The following MYH14 variants were observed in gnomAD, a reference collection of about 807,000 sequenced individuals.
The protein encoded by MYH14 is myosin heavy chain 14.
MYH14 carries 123 observed loss-of-function variants against 255.5 expected under a neutral mutation model. The ratio of observed to expected loss-of-function variants is 0.48; its 90% CI spans 0.42 to 0.56. MYH14 has a LOEUF of 0.56. MYH14 is among the 20% of genes least tolerant of loss of function. The pLI, the probability that MYH14 is intolerant of heterozygous loss-of-function variation, is 0.00. For missense variants in MYH14, 2,423 were observed against 2,802.3 expected (o/e 0.86, Z 3.06); for synonymous variants, 1,095 against 1,161.2 (o/e 0.94, Z 1.16).
At chr19:50,267,048 G>A in intron 23 of MYH14, 40 bp downstream of exon 23, 2 of 1,511,018 alleles carry the variant, frequency 1.3e-6, no homozygotes, top group South Asian at 1.2e-5. Flanking sequence ...GTGTCTTCGG[G>A]GTGGGGCTGT....
At chr19:50,227,595 C>G (rs1462542688) in intron 8 of MYH14, among the ~76,000 whole-genome samples, 1 of 152,196 alleles carries the variant, frequency 6.6e-6, no homozygotes, top group Non-Finnish European at 1.5e-5. Flanking sequence ...GGAACCCTCC[C>G]GAAATCCAGG....
intron 39 of MYH14, among the ~76,000 whole-genome samples, chr19:50,294,104 G>A (rs1204505494): frequency 2.0e-5 from 3 of 152,142 alleles, no homozygotes; most frequent in African/African-American, 2.4e-5. Flanking sequence ...TGAGGATTCC[G>A]GTGGCCCAGA....
chr19:50,292,300 C>T lies in MYH14; in HGVS notation c.5167C>T (p.Arg1723Cys), dbSNP rs778251472. 1.0e-5 allele frequency: 16 copies of T among 1,598,678 alleles called. No homozygotes were observed. The highest frequency in any genetic ancestry group is 4.5e-5 in the East Asian group (2 of 44,178). ...KELWREVEET[R>C]TSREEIFSQN... is the part of the protein sequence containing the mutation. The stretch of plus-strand genomic sequence containing the variant: ...GCTATGGCGGGAGGTGGAGGAGACA[C>T]GCACCTCCCGGGAGGAGATCTTCTC... The change falls in exon 37 of 43, where the codon CGC (arginine) becomes TGC (cysteine). Residue 1723 changes from arginine (R) to cysteine (C), a missense_variant. Transcript: ENST00000642316.
In MYH14 at chr19:50,218,576, A is replaced by T. The variant is rs567040009; in HGVS notation, c.562+805A>T. ...TCGCGCCACTGCACTCCAGCCTGGG[A>T]GACACAGGGAGACTCTGTCTCAAAA... On this transcript the variant is annotated intron_variant, in intron 3 of 42. Transcript: ENST00000642316. 6.4e-4 allele frequency among the ~76,000 whole-genome samples: 97 copies of T among 151,750 alleles called. 1 individual carries two copies. Among genetic ancestry groups the T allele is most frequent in the Non-Finnish European group, 1.1e-3 (72 of 67,900 alleles).
chr19:50,239,705 A>G (rs954824363), intron 10 of MYH14, among the ~76,000 whole-genome samples: 1 of 152,102 alleles, frequency 6.6e-6, no homozygotes, highest in Non-Finnish European at 1.5e-5. Flanking sequence ...GCCTGCCACC[A>G]CGCCTAGCTA....
chr19:50,219,002 G>GTA (rs1050326330), intron 3 of MYH14, among the ~76,000 whole-genome samples: 7 of 100,834 alleles, frequency 6.9e-5, no homozygotes, highest in Non-Finnish European at 1.6e-4. Context: ...CCCATGGTGT[G>GTA]TATATATATA....
At position 50,232,003 on chromosome 19, in the gene MYH14, G is replaced by C. The variant is rs1315783438; in HGVS notation, c.1047G>C (p.Glu349Asp). Residue 349 changes from glutamate to aspartate, a missense_variant, in exon 10 of 43, where the codon GAG (glutamate) becomes GAC (aspartate). Transcript: ENST00000642316. ...GGCCGTCATCCTCTCCCGGCCAGGA[G>C]CGGGAACTCTTCCAGGAGACGCTGG... is the stretch of plus-strand genomic sequence containing the variant. ...TNGPSSSPGQ[E>D]RELFQETLES... The C allele has an allele frequency of 1.9e-6, 3 of 1,613,828 alleles. No individual in the cohort carries two copies. In the South Asian group the frequency reaches 3.3e-5, roughly 18 times the overall value.
chr19:50,215,690 A>G (rs1389774939), intron 2 of MYH14, among the ~76,000 whole-genome samples: 1 of 152,198 alleles, frequency 6.6e-6, no homozygotes, highest in African/African-American at 2.4e-5. Context: ...ATGGTGGTGC[A>G]TACCTGTGGT....
Position 50,252,772 on chromosome 19 carries a change from C to G in MYH14, c.1945+19C>G, listed in dbSNP as rs772643657. On this transcript the variant is annotated intron_variant, in intron 16 of 42. Coordinates refer to ENST00000642316, the MANE Select transcript of MYH14 (RefSeq NM_001145809.2). The surrounding 1 kb of genome is among the most constrained non-coding windows in gnomAD (Gnocchi z 4.2). ...AAAGACGGTGAGGACCCACTTCCCC[C>G]ACCCCGGCTCTAGGGGTCTGTGCGG... 3 of 1,526,490 alleles carry G rather than the reference C, an allele frequency of 2.0e-6. No individual in the cohort carries two copies. Among genetic ancestry groups the G allele is most frequent in the African/African-American group, 1.4e-5 (1 of 72,868 alleles). 94.6% of individuals were successfully genotyped at this position (1,526,490 alleles called of 1,614,324 possible).
intron 1 of MYH14, among the ~76,000 whole-genome samples, chr19:50,206,191 T>C (rs2031739175): frequency 6.7e-6 from 1 of 149,896 alleles, no homozygotes; most frequent in African/African-American, 2.5e-5. Flanking sequence ...TGAGGGGGCC[T>C]GCACTTCCCA....
rs200291489 is a variant in MYH14 at position 50,309,711 on chromosome 19, A to C, written c.6032A>C (p.Asp2011Ala). The part of the protein sequence containing the change: ...VFRLEEGVAS[D>A]EEAEEAQPGS... ...CGACTAGAGGAGGGCGTGGCATCCG[A>C]CGAGGAGGCAGAGGAAGCACAGCCT... is the stretch of plus-strand genomic sequence containing the variant. The change falls in exon 43 of 43, where the codon GAC (aspartate) becomes GCC (alanine). Residue 2011 changes from aspartate (D) to alanine (A), a missense_variant. Physicochemically the swap from Asp to Ala is moderately radical, Grantham distance 126. Coordinates refer to ENST00000642316, the MANE Select transcript of MYH14 (RefSeq NM_001145809.2). 2.3e-4 allele frequency: 374 copies of C among 1,605,078 alleles called. 1 individual carries two copies. The highest frequency in any genetic ancestry group is 3.8e-5 in the Non-Finnish European group (45 of 1,176,312).
chr19:50,263,575 G>C (rs1247804824), intron 22 of MYH14, among the ~76,000 whole-genome samples, 155 bp downstream of exon 22: 1 of 152,162 alleles, frequency 6.6e-6, no homozygotes, highest in Non-Finnish European at 1.5e-5. Flanking sequence ...GGATTCTTTA[G>C]TTAGCAAGCA....
intron 42 of MYH14, chr19:50,309,428 CCT>C (rs1424179650): frequency 1.6e-6 from 1 of 616,104 alleles, no homozygotes; most frequent in African/African-American, 1.8e-5. Context: ...CTCCTTTCCT[CCT>C]CTCTGTGTGT....
chr19:50,300,252 C>G (rs903881569), intron 39 of MYH14, among the ~76,000 whole-genome samples: 1 of 152,090 alleles, frequency 6.6e-6, no homozygotes, highest in African/African-American at 2.4e-5. Context: ...ATGACACCCA[C>G]ACACATCCAT....
chr19:50,290,384 C>A (rs747712605), intron 35 of MYH14, among the ~76,000 whole-genome samples: 5 of 152,220 alleles, frequency 3.3e-5, no homozygotes, highest in Admixed American at 1.3e-4. Context: ...CCATGTCTCC[C>A]CTCTACTAGG....
chr19:50,252,606 A>G lies in MYH14; in HGVS notation c.1831-33A>G, dbSNP rs1353268422. On this transcript the variant is annotated intron_variant, in intron 15 of 42. Transcript: ENST00000642316. This position sits in a 1 kb window ranked among gnomAD's most constrained non-coding sequence, Gnocchi z 4.2. ...AATCCAGAGAATGTCTGAGCCTGCA[A>G]GTCATCGCCCTCCTCTACCTGACTT... 2.8e-6 allele frequency: 4 copies of G among 1,421,190 alleles called. No individual in the cohort carries two copies. Among genetic ancestry groups the G allele is most frequent in the Non-Finnish European group, 3.9e-6 (4 of 1,026,370 alleles). The allele number at this position is 1,421,190 out of a possible 1,614,324, so 88.0% of individuals were successfully genotyped here.
In MYH14 at chr19:50,249,760, C is replaced by T. The variant is rs780603261; in HGVS notation, c.1593C>T (p.Ile531=). The T allele has an allele frequency of 1.3e-5, 21 of 1,614,140 alleles. No homozygotes were observed. In the Admixed American group the frequency reaches 3.5e-4, roughly 27 times the overall value. ...LEQEEYQREG[I]PWTFLDFGLD... ...AGGAGGAGTACCAGCGTGAGGGCAT[C>T]CCCTGGACCTTCCTCGACTTTGGCC... Residue 531 remains isoleucine (I), a synonymous_variant, in exon 14 of 43, where the codon ATC becomes ATT. Transcript: ENST00000642316.
At chr19:50,222,632 C>T (rs999898830) in intron 3 of MYH14, among the ~76,000 whole-genome samples, 9 of 152,202 alleles carry the variant, frequency 5.9e-5, no homozygotes, top group African/African-American at 1.7e-4. Flanking sequence ...TTCCCCACTC[C>T]CCTCCATGCC....
Position 50,230,673 on chromosome 19 carries a change from A to T in MYH14, c.973+50A>T. 6.7e-7 allele frequency: 1 copy of T among 1,489,766 alleles called. No homozygotes were observed. Among genetic ancestry groups the T allele is most frequent in the Middle Eastern group, 1.7e-4 (1 of 5,846 alleles). The allele number at this position is 1,489,766 out of a possible 1,614,324, so 92.3% of individuals were successfully genotyped here. On this transcript the variant is annotated intron_variant, in intron 9 of 42. Coordinates refer to ENST00000642316, the MANE Select transcript of MYH14 (RefSeq NM_001145809.2). The surrounding 1 kb of genome is among the most constrained non-coding windows in gnomAD (Gnocchi z 4.7). ...GCTCACCCGGGAGAGGGTGGGCACCATGTCTCTCGGGGGCCCCTTCTGGGG... is the reference window on the plus strand; with the variant it reads ...GCTCACCCGGGAGAGGGTGGGCACCTTGTCTCTCGGGGGCCCCTTCTGGGG...
Sources: gnomAD v4.1 joint callset for allele counts (sites outside exome capture counted in the v4.1 genomes callset) on GRCh38, gnomAD v4.1.1 for gene constraint, Gnocchi (gnomAD v3.1) non-coding constraint, MANE v1.5 for transcripts, NCBI Gene and HGNC (gene_info 2026-07-23, HGNC 2026-07-21) for gene names.